Variants in TEAD4 observed in about 807,000 individuals in gnomAD.
TEAD4 encodes TEA domain transcription factor 4, also known as transcriptional enhancer factor TEF-3.
TEAD4 carries 36 observed loss-of-function variants against 52.4 expected under a neutral mutation model. The ratio of observed to expected loss-of-function variants is 0.69; its 90% CI spans 0.53 to 0.91. The LOEUF (loss-of-function observed/expected upper bound fraction) is 0.91, where lower values mean the gene tolerates loss of function less well. TEAD4 is among the 40% of genes least tolerant of loss of function. The pLI is 0.00. For missense variants in TEAD4, 508 were observed against 583.9 expected, an observed-to-expected ratio of 0.87 and a Z score of 1.34; for synonymous variants, 220 against 231.0, an observed-to-expected ratio of 0.95 and a Z score of 0.43.
At chr12:2,968,083 C>CTTTTTTTTTTTTTTTT (rs34430154) in intron 2 of TEAD4, among the ~76,000 whole-genome samples, 1 of 111,964 alleles carries the variant, frequency 8.9e-6, no homozygotes, top group Non-Finnish European at 1.8e-5. Flanking sequence ...ACATGTGGGT[C>CTTTTTTTTTTTTTTTT]TTTTTTTTTT....
intron 9 of TEAD4, among the ~76,000 whole-genome samples, chr12:3,021,587 C>A (rs187776242): frequency 0.011 from 1,727 of 152,220 alleles, 34 homozygotes; most frequent in African/African-American, 0.039. Context: ...CTGGGATTAC[C>A]GGTGTGAGCC....
intron 2 of TEAD4, chr12:2,960,403 A>G: frequency 1.0e-6 from 1 of 981,800 alleles, no homozygotes; most frequent in East Asian, 1.1e-4. Flanking sequence ...AAGTCGGGGG[A>G]CCCCTGCAAA....
chr12:2,998,567 G>T (rs978821187), intron 3 of TEAD4, among the ~76,000 whole-genome samples: 7 of 151,740 alleles, frequency 4.6e-5, no homozygotes, highest in African/African-American at 1.7e-4. Context: ...AGTGAGGAGA[G>T]GCAGAGGTGC....
At chr12:2,969,444 A>G (rs2098223334) in intron 2 of TEAD4, among the ~76,000 whole-genome samples, 1 of 152,214 alleles carries the variant, frequency 6.6e-6, no homozygotes, top group Non-Finnish European at 1.5e-5. Context: ...CCAAAGGACT[A>G]CTGTACATAG....
In TEAD4 at chr12:3,019,240, G is replaced by A. The variant is rs2098266874; in HGVS notation, c.583+70G>A. On this transcript the variant is annotated intron_variant, in intron 8 of 12. Transcript: ENST00000359864. ...CTCCTGCCTCTGGGTCCAGGCCCCC[G>A]GCAGCCGAACGCCTGCGTGTCCCTG... 5.1e-6 allele frequency: 8 copies of A among 1,576,680 alleles called. No homozygotes were observed. The Middle Eastern group carries it at 5.3e-4, about 104-fold the overall frequency.
At chr12:3,002,969 A>G (rs1192720306) in intron 3 of TEAD4, among the ~76,000 whole-genome samples, 1 of 152,190 alleles carries the variant, frequency 6.6e-6, no homozygotes, top group Non-Finnish European at 1.5e-5. Context: ...TTCTCCACAA[A>G]TAGCCTCCTT....
intron 3 of TEAD4, among the ~76,000 whole-genome samples, chr12:3,001,336 C>T (rs1005174720): frequency 8.5e-5 from 13 of 152,176 alleles, no homozygotes; most frequent in African/African-American, 3.1e-4. Flanking sequence ...CATCACCATC[C>T]ATTTCCAGAA....
intron 3 of TEAD4, among the ~76,000 whole-genome samples, chr12:2,996,800 C>G (rs1373455339): frequency 6.6e-6 from 1 of 152,132 alleles, no homozygotes; most frequent in African/African-American, 2.4e-5. Context: ...ACTGCAGCCT[C>G]CGCCCCGTGG....
intron 11 of TEAD4, 95 bp from the exon 12 acceptor site, chr12:3,040,012 C>G (rs2098281714): frequency 6.5e-7 from 1 of 1,541,278 alleles, no homozygotes; most frequent in African/African-American, 1.4e-5. Flanking sequence ...CTTAAGGGCC[C>G]CCAGGCTTTC....
intron 10 of TEAD4, among the ~76,000 whole-genome samples, chr12:3,034,753 C>T (rs946621146): frequency 6.6e-6 from 1 of 151,972 alleles, no homozygotes; most frequent in African/African-American, 2.4e-5. Context: ...GGCAACATGG[C>T]GAAGCCCTAT....
chr12:2,998,255 G>A (rs1001144973), intron 3 of TEAD4, among the ~76,000 whole-genome samples: 3 of 152,060 alleles, frequency 2.0e-5, no homozygotes, highest in Non-Finnish European at 4.4e-5. Flanking sequence ...ACAGACATTT[G>A]GGTGGATGCT....
At chr12:3,009,071 T>C (rs2098258158) in intron 3 of TEAD4, among the ~76,000 whole-genome samples, 1 of 152,194 alleles carries the variant, frequency 6.6e-6, no homozygotes, top group Non-Finnish European at 1.5e-5. Context: ...TGAGGTCTGT[T>C]TCCTACATCT....
At chr12:2,981,281 G>A (rs565293839) in intron 2 of TEAD4, among the ~76,000 whole-genome samples, 3 of 152,208 alleles carry the variant, frequency 2.0e-5, no homozygotes, top group Non-Finnish European at 4.4e-5. Context: ...CAGCCCACCC[G>A]GCACTACCTG....
chr12:2,996,535 G>A (rs956804725), intron 3 of TEAD4, among the ~76,000 whole-genome samples: 5 of 151,660 alleles, frequency 3.3e-5, no homozygotes, highest in African/African-American at 4.8e-5. Flanking sequence ...TCAGCCTGCC[G>A]AGTAAGCTTG....
chr12:2,995,686 G>C (rs1183187413), intron 3 of TEAD4, among the ~76,000 whole-genome samples: 1 of 152,134 alleles, frequency 6.6e-6, no homozygotes, highest in Non-Finnish European at 1.5e-5. Flanking sequence ...ATGACTTTTG[G>C]ATGGAAGAGG....
intron 3 of TEAD4, among the ~76,000 whole-genome samples, chr12:3,005,250 G>A (rs2098254908): frequency 6.6e-6 from 1 of 152,150 alleles, no homozygotes; most frequent in African/African-American, 2.4e-5. Flanking sequence ...AAAGAATATA[G>A]TTTCAGTTAG....
chr12:3,029,303 T>C (rs1226005681), intron 10 of TEAD4, among the ~76,000 whole-genome samples: 1 of 147,794 alleles, frequency 6.8e-6, no homozygotes, highest in African/African-American at 2.5e-5. Context: ...AGTGGCATGA[T>C]CTCGGCTCAC....
intron 10 of TEAD4, among the ~76,000 whole-genome samples, chr12:3,027,417 C>G (rs950273358): frequency 1.3e-5 from 2 of 152,120 alleles, no homozygotes; most frequent in South Asian, 4.1e-4. Flanking sequence ...ATGTAATTAA[C>G]TTACCTTACA....
intron 2 of TEAD4, among the ~76,000 whole-genome samples, chr12:2,978,711 T>A (rs1161519853): frequency 1.3e-5 from 2 of 151,892 alleles, no homozygotes; most frequent in Admixed American, 6.6e-5. Flanking sequence ...ACAATGACTG[T>A]TAATGTTATG....
Sources: gnomAD v4.1 joint callset for allele counts (sites outside exome capture counted in the v4.1 genomes callset) on GRCh38, gnomAD v4.1.1 for gene constraint, MANE v1.5 for transcripts, NCBI Gene and HGNC (gene_info 2026-07-23, HGNC 2026-07-21) for gene names.